The following MMP26 variants were observed in gnomAD, a reference collection of about 807,000 sequenced individuals.
The protein encoded by MMP26 is matrix metallopeptidase 26, also known as matrix metalloproteinase-26.
Under a neutral mutation model 31.0 loss-of-function variants are expected in MMP26, and 33 were observed. The observed-to-expected ratio is 1.06, with a 90% CI of 0.81 to 1.42. The LOEUF (loss-of-function observed/expected upper bound fraction) is 1.42, where lower values mean the gene tolerates loss of function less well. Among genes scored for constraint, MMP26 ranks in the 40% most tolerant of loss-of-function variants. The pLI, the probability that MMP26 is intolerant of heterozygous loss-of-function variation, is 0.00. For missense variants in MMP26, 347 were observed against 316.1 expected, an observed-to-expected ratio of 1.10 and a Z score of -0.74; for synonymous variants, 122 against 114.9, an observed-to-expected ratio of 1.06 and a Z score of -0.40.
chr11:4,974,078 G>T (rs992775743), intron 2 of MMP26, among the ~76,000 whole-genome samples: 3 of 151,548 alleles, frequency 2.0e-5, no homozygotes, highest in Non-Finnish European at 4.4e-5. Context: ...ACAAAAAACC[G>T]AGAAAAAATA....
chr11:4,960,629 T>A (rs1420306998), intron 2 of MMP26, among the ~76,000 whole-genome samples: 1 of 152,074 alleles, frequency 6.6e-6, no homozygotes, highest in East Asian at 1.9e-4. Flanking sequence ...AAAGAAATAA[T>A]CCTGATTGCT....
Position 4,758,480 on chromosome 11 carries a change from A to C in MMP26, c.-216-8790A>C, listed in dbSNP as rs528491718. ...TCATCCATTTGGAAAAAAAAAAAAA[A>C]AAAAAAACTAAAATAAAGCATAGCA... is the stretch of plus-strand genomic sequence containing the variant. On this transcript the variant is annotated intron_variant, in intron 1 of 7. Transcript: ENST00000380390. 2.6e-5 allele frequency among the ~76,000 whole-genome samples: 4 copies of C among 151,290 alleles called. No individual in the cohort carries two copies. In the East Asian group the frequency reaches 7.7e-4, roughly 29 times the overall value.
At chr11:4,783,455 C>T (rs1180054741) in intron 2 of MMP26, among the ~76,000 whole-genome samples, 2 of 152,190 alleles carry the variant, frequency 1.3e-5, no homozygotes, top group Non-Finnish European at 2.9e-5. Flanking sequence ...TAGCAAGAAA[C>T]TAACTTGCTT....
intron 2 of MMP26, among the ~76,000 whole-genome samples, chr11:4,835,431 CCTTAA>C (rs1218142057): frequency 1.3e-5 from 2 of 151,898 alleles, no homozygotes; most frequent in African/African-American, 4.8e-5. Context: ...TTTTTTTTCC[CCTTAA>C]CTTATCAGTC....
In MMP26 at chr11:4,952,287, A is replaced by AAGATGCTT. The variant is rs977932731; in HGVS notation, c.-144-35779_-144-35772dup. On this transcript the variant is annotated intron_variant, in intron 2 of 7. Coordinates refer to ENST00000380390, the MANE Select transcript of MMP26 (RefSeq NM_021801.5). ...TCTATGTACAATATCCTGAAAGAAT[A>AAGATGCTT]AGATGCTTATTAAAGCCAACTAATT... Among the ~76,000 whole-genome samples, 5 of 125,330 alleles carry AAGATGCTT rather than the reference A, an allele frequency of 4.0e-5. 1 individual carries two copies. Among genetic ancestry groups the AAGATGCTT allele is most frequent in the African/African-American group, 1.4e-4 (5 of 36,968 alleles). The allele number at this position is 125,330 out of a possible 152,430, so 82.2% of individuals were successfully genotyped here. A position where few individuals can be genotyped will look rare whatever the true frequency, so the allele number is the denominator to read the frequency against.
intron 2 of MMP26, among the ~76,000 whole-genome samples, chr11:4,854,615 C>T (rs1244050784): frequency 6.6e-6 from 1 of 152,214 alleles, no homozygotes; most frequent in African/African-American, 2.4e-5. Context: ...CTGCCTGCCT[C>T]TGTAGATTCC....
chr11:4,967,987 C>T (rs1846618625), intron 2 of MMP26, among the ~76,000 whole-genome samples: 1 of 151,952 alleles, frequency 6.6e-6, no homozygotes, highest in Non-Finnish European at 1.5e-5. Flanking sequence ...CAAAACAAAA[C>T]CCCTAATTAT....
intron 2 of MMP26, among the ~76,000 whole-genome samples, chr11:4,819,133 A>G (rs752633949): frequency 3.9e-5 from 6 of 152,182 alleles, no homozygotes; most frequent in African/African-American, 4.8e-5. Context: ...AAAATAATCA[A>G]TTTGGTTTTG....
At chr11:4,881,525 C>T (rs1246656238) in intron 2 of MMP26, among the ~76,000 whole-genome samples, 1 of 152,110 alleles carries the variant, frequency 6.6e-6, no homozygotes, top group Non-Finnish European at 1.5e-5. Context: ...GCTTATTTCT[C>T]ATCTCTACCC....
Position 4,860,514 on chromosome 11 carries a change from T to C in MMP26, c.-145+93173T>C, listed in dbSNP as rs958153798. ...TCTTGTCTGGCGTTCCTGGGATACC[T>C]GTCAGAATGAAGTTACGGTGGTTGG... is the stretch of plus-strand genomic sequence containing the variant. On this transcript the variant is annotated intron_variant, in intron 2 of 7. Coordinates refer to ENST00000380390, the MANE Select transcript of MMP26 (RefSeq NM_021801.5). The C allele has an allele frequency of 1.3e-4, 60 of 470,836 alleles. No homozygotes were observed. The Admixed American group carries it at 1.4e-3, about 11-fold the overall frequency. The allele number at this position is 470,836 out of a possible 1,614,324, so 29.2% of individuals were successfully genotyped here.
At chr11:4,945,964 C>G (rs1229236370) in intron 2 of MMP26, 2 of 598,904 alleles carry the variant, frequency 3.3e-6, no homozygotes, top group Non-Finnish European at 6.0e-6. Context: ...TTCTGCTTAA[C>G]TGAAATGGGG....
At chr11:4,908,291 A>G in intron 2 of MMP26, 1 of 1,613,934 alleles carries the variant, frequency 6.2e-7, no homozygotes, top group Non-Finnish European at 8.5e-7. Flanking sequence ...GAAGTTGCTT[A>G]ATGTATGTGG....
chr11:4,836,162 G>C (rs1849716540), intron 2 of MMP26, among the ~76,000 whole-genome samples: 1 of 151,882 alleles, frequency 6.6e-6, no homozygotes. Flanking sequence ...CGTTTGTTTT[G>C]TGAGATTGGG....
intron 1 of MMP26, chr11:4,723,112 G>C (rs1422738508): frequency 3.2e-6 from 5 of 1,557,718 alleles, no homozygotes; most frequent in Admixed American, 1.7e-5. Context: ...GCTGCAGGGC[G>C]GCCTCCAGCT....
chr11:4,804,627 AT>A, intron 2 of MMP26: 1 of 669,018 alleles, frequency 1.5e-6, no homozygotes, highest in South Asian at 1.5e-5. Flanking sequence ...TACTAGTTGC[AT>A]GTGTAACTGT....
At chr11:4,735,622 A>T (rs1457735595) in intron 1 of MMP26, among the ~76,000 whole-genome samples, 1 of 152,198 alleles carries the variant, frequency 6.6e-6, no homozygotes, top group Non-Finnish European at 1.5e-5. Flanking sequence ...TTTTTAATCT[A>T]TGTATTTCAA....
At chr11:4,751,732 G>A (rs1392488392) in intron 1 of MMP26, among the ~76,000 whole-genome samples, 2 of 152,030 alleles carry the variant, frequency 1.3e-5, no homozygotes, top group Non-Finnish European at 2.9e-5. Flanking sequence ...TGTTCTTAGG[G>A]CTGGATATTT....
At chr11:4,750,058 C>A (rs1848428892) in intron 1 of MMP26, among the ~76,000 whole-genome samples, 1 of 151,984 alleles carries the variant, frequency 6.6e-6, no homozygotes, top group African/African-American at 2.4e-5. Flanking sequence ...TATTCAGAAT[C>A]TACGAGGAAT....
At chr11:4,791,489 C>T (rs1162520741) in intron 2 of MMP26, among the ~76,000 whole-genome samples, 1 of 152,128 alleles carries the variant, frequency 6.6e-6, no homozygotes, top group African/African-American at 2.4e-5. Context: ...CCACTGTGTA[C>T]CCTAGGTCTA....
Sources: allele counts gnomAD v4.1 joint callset (sites outside exome capture counted in the v4.1 genomes callset), GRCh38; gene constraint gnomAD v4.1.1; transcripts MANE v1.5; gene names NCBI Gene and HGNC (gene_info 2026-07-23, HGNC 2026-07-21).